The following EVI5 variants were observed in gnomAD, a reference collection of about 807,000 sequenced individuals.
The protein encoded by EVI5 is ecotropic viral integration site 5.
A neutral mutation model predicts 112.0 loss-of-function variants in EVI5; 73 were observed. The observed-to-expected ratio is 0.65, with a 90% CI of 0.54 to 0.79. The LOEUF (loss-of-function observed/expected upper bound fraction) is 0.79, where lower values mean the gene tolerates loss of function less well. EVI5 is among the 30% of genes least tolerant of loss of function. EVI5 has a pLI of 0.00. For missense variants in EVI5, 900 were observed against 968.8 expected (o/e 0.93, Z 0.94); for synonymous variants, 305 against 319.9 (o/e 0.95, Z 0.50).
At chr1:92,708,774 C>G (rs762654282) in intron 2 of EVI5, among the ~76,000 whole-genome samples, 18 of 152,090 alleles carry the variant, frequency 1.2e-4, no homozygotes, top group Non-Finnish European at 2.2e-4. Context: ...GGAATACCAG[C>G]CACGAGAAGG....
At chr1:92,693,243 T>A (rs150265559) in intron 9 of EVI5, among the ~76,000 whole-genome samples, 1 of 152,136 alleles carries the variant, frequency 6.6e-6, no homozygotes, top group Non-Finnish European at 1.5e-5. Context: ...AGTACACCTG[T>A]GCTTTAGTAG....
At chr1:92,681,680 A>G (rs938689554) in intron 9 of EVI5, among the ~76,000 whole-genome samples, 3 of 152,200 alleles carry the variant, frequency 2.0e-5, no homozygotes, top group African/African-American at 7.2e-5. Context: ...CAGATGTGGA[A>G]AAAGTCTGGC....
intron 13 of EVI5, among the ~76,000 whole-genome samples, chr1:92,639,441 G>A (rs1040707166): frequency 7.2e-5 from 11 of 151,776 alleles, no homozygotes; most frequent in Admixed American, 6.6e-4. Flanking sequence ...GAGTAATACA[G>A]TAAAAAGTAA....
chr1:92,587,388 CAAAAA>C (rs35229896), intron 18 of EVI5, among the ~76,000 whole-genome samples: 7 of 124,240 alleles, frequency 5.6e-5, no homozygotes, highest in Admixed American at 2.4e-4. Context: ...GCTTCAGGGG[CAAAAA>C]AAAAAAAAAA....
At chr1:92,584,220 C>A (rs75079160) in intron 18 of EVI5, among the ~76,000 whole-genome samples, 3,143 of 151,776 alleles carry the variant, frequency 0.021, 122 homozygotes, top group African/African-American at 0.071. Context: ...TTTTTAGAGA[C>A]AATTTAAAAA....
Position 92,532,198 on chromosome 1 carries a change from A to G in EVI5, c.2167-18228T>C, listed in dbSNP as rs571286455. ...ATCAAGAGACAAAGAAAGGCATTAC[A>G]TAATGGTAAAGGGATCAATTCAACA... On this transcript the variant is annotated intron_variant, in intron 19 of 19. Transcript: ENST00000684568. Among the ~76,000 whole-genome samples, 7 of 152,352 alleles carry G rather than the reference A, an allele frequency of 4.6e-5. 1 individual carries two copies. In the South Asian group the frequency reaches 1.4e-3, roughly 32 times the overall value.
chr1:92,726,937 T>G (rs1410195727), intron 2 of EVI5, among the ~76,000 whole-genome samples: 1 of 152,022 alleles, frequency 6.6e-6, no homozygotes, highest in African/African-American at 2.4e-5. Flanking sequence ...AATCAATAAA[T>G]GAACTATAAC....
intron 1 of EVI5, among the ~76,000 whole-genome samples, chr1:92,754,227 A>G (rs1680589011): frequency 6.6e-6 from 1 of 152,216 alleles, no homozygotes; most frequent in South Asian, 2.1e-4. Flanking sequence ...TAAATTTTTT[A>G]CTTCCACCAG....
At chr1:92,596,251 C>G (rs192478937) in intron 18 of EVI5, among the ~76,000 whole-genome samples, 1 of 152,124 alleles carries the variant, frequency 6.6e-6, no homozygotes. Context: ...GTCCCAGCTA[C>G]TTGGAGGCTC....
chr1:92,550,986 GA>G (rs1176251687), intron 19 of EVI5, among the ~76,000 whole-genome samples: 1 of 140,598 alleles, frequency 7.1e-6, no homozygotes, highest in East Asian at 2.1e-4. Flanking sequence ...CCAGAATTAA[GA>G]TTAAGAACCA....
intron 18 of EVI5, among the ~76,000 whole-genome samples, chr1:92,579,428 C>A (rs1671591942): frequency 6.6e-6 from 1 of 151,922 alleles, no homozygotes; most frequent in Non-Finnish European, 1.5e-5. Context: ...TCAAGGGAGA[C>A]CAAGGTACAA....
intron 18 of EVI5, among the ~76,000 whole-genome samples, chr1:92,583,762 A>G (rs1309407003): frequency 4.7e-5 from 7 of 148,478 alleles, no homozygotes; most frequent in Non-Finnish European, 8.9e-5. Flanking sequence ...TTCTTTCCAG[A>G]TATCTAATAT....
intron 2 of EVI5, among the ~76,000 whole-genome samples, chr1:92,735,214 A>T (rs1440415827): frequency 1.3e-5 from 2 of 152,208 alleles, no homozygotes; most frequent in African/African-American, 4.8e-5. Flanking sequence ...CACATGATGG[A>T]ATACTATAAA....
At chr1:92,622,720 T>C (rs1162116271) in intron 16 of EVI5, among the ~76,000 whole-genome samples, 1 of 152,244 alleles carries the variant, frequency 6.6e-6, no homozygotes, top group Non-Finnish European at 1.5e-5. Context: ...TACTGGCATT[T>C]AGGAACCAGT....
chr1:92,784,295 T>A, intron 1 of EVI5: 1 of 985,240 alleles, frequency 1.0e-6, no homozygotes, highest in Non-Finnish European at 1.2e-6. Context: ...CCACTAGTCA[T>A]AAGGTGATTC....
intron 16 of EVI5, among the ~76,000 whole-genome samples, chr1:92,611,971 T>G (rs1476878719): frequency 1.3e-5 from 2 of 151,810 alleles, no homozygotes; most frequent in Non-Finnish European, 2.9e-5. Flanking sequence ...CAAAAATAAC[T>G]GACTAACAGG....
At chr1:92,590,776 C>T (rs1275091522) in intron 18 of EVI5, among the ~76,000 whole-genome samples, 2 of 152,132 alleles carry the variant, frequency 1.3e-5, no homozygotes, top group South Asian at 2.1e-4. Context: ...CACAAAGATA[C>T]TCCTCGAGAA....
chr1:92,523,627 C>T (rs1661333974), intron 19 of EVI5, among the ~76,000 whole-genome samples: 1 of 152,074 alleles, frequency 6.6e-6, no homozygotes, highest in African/African-American at 2.4e-5. Flanking sequence ...TTGCTATCTT[C>T]CAAATAACAT....
Position 92,636,202 on chromosome 1 carries a change from C to T in EVI5, c.1527G>A (p.Lys509=), listed in dbSNP as rs200497719. Residue 509 remains lysine, a splice_region_variant and synonymous_variant, in exon 14 of 20, where the codon AAG becomes AAA. Coordinates refer to ENST00000684568, the MANE Select transcript of EVI5 (RefSeq NM_001350197.2). The stretch of plus-strand genomic sequence containing the variant: ...GACTGCATTTGTGTAGGTTTCTTAC[C>T]TTCTCTATATCCAAGACTTTATCCT... The part of the protein sequence containing the change: ...EMQDKVLDIE[K]RNNSLPDENN... The T allele has an allele frequency of 1.2e-6, 2 of 1,608,960 alleles. No homozygotes were observed. Among genetic ancestry groups the T allele is most frequent in the African/African-American group, 1.3e-5 (1 of 74,722 alleles).
Sources: gnomAD v4.1 joint callset for allele counts (sites outside exome capture counted in the v4.1 genomes callset) on GRCh38, gnomAD v4.1.1 for gene constraint, MANE v1.5 for transcripts, NCBI Gene and HGNC (gene_info 2026-07-23, HGNC 2026-07-21) for gene names.